Variants in CDH18 observed in about 807,000 individuals in gnomAD.
The protein encoded by CDH18 is cadherin-18.
In CDH18, 31 loss-of-function variants were observed where a neutral mutation model predicts 67.9. That is an observed-to-expected ratio of 0.46 (90% CI 0.34 to 0.62). CDH18 has a LOEUF of 0.62. CDH18 is among the 20% of genes least tolerant of loss of function. The probability of loss-of-function intolerance (pLI) is 0.01; values close to 1 mark genes in which losing one functional copy is unlikely to be tolerated. For missense variants in CDH18, 890 were observed against 975.5 expected, an observed-to-expected ratio of 0.91 and a Z score of 1.17; for synonymous variants, 362 against 347.2, an observed-to-expected ratio of 1.04 and a Z score of -0.48.
At chr5:19,943,015 C>G (rs896945921) in intron 2 of CDH18, among the ~76,000 whole-genome samples, 1 of 152,090 alleles carries the variant, frequency 6.6e-6, no homozygotes, top group Non-Finnish European at 1.5e-5. Context: ...AGCATGATGC[C>G]TCTTTGAGCT....
At chr5:20,492,162 G>A (rs1269581286) in intron 1 of CDH18, among the ~76,000 whole-genome samples, 3 of 151,694 alleles carry the variant, frequency 2.0e-5, no homozygotes, top group Non-Finnish European at 4.4e-5. Context: ...CATCAGTCAT[G>A]TTAAGTAGTA....
At chr5:19,544,841 A>G (rs1736042032) in intron 8 of CDH18, among the ~76,000 whole-genome samples, 1 of 152,184 alleles carries the variant, frequency 6.6e-6, no homozygotes, top group African/African-American at 2.4e-5. Context: ...TTCCCAACCT[A>G]GCGTAGATCA....
chr5:19,538,721 A>G (rs1749790899), intron 9 of CDH18, among the ~76,000 whole-genome samples: 3 of 152,064 alleles, frequency 2.0e-5, no homozygotes. Flanking sequence ...AACAAGGCCT[A>G]CTCACAAGAA....
chr5:20,557,475 G>T (rs577337047), intron 1 of CDH18, among the ~76,000 whole-genome samples: 10 of 152,046 alleles, frequency 6.6e-5, no homozygotes, highest in African/African-American at 2.4e-4. Flanking sequence ...CATTTTTATT[G>T]TCAATAAATT....
chr5:20,491,944 A>C (rs545173726), intron 1 of CDH18, among the ~76,000 whole-genome samples: 1 of 151,410 alleles, frequency 6.6e-6, no homozygotes, highest in Admixed American at 6.6e-5. Context: ...TATTCTACCT[A>C]TTTTTTCTAA....
At chr5:19,801,840 G>A (rs1467649080) in intron 3 of CDH18, among the ~76,000 whole-genome samples, 1 of 152,058 alleles carries the variant, frequency 6.6e-6, no homozygotes, top group Non-Finnish European at 1.5e-5. Flanking sequence ...CTTATTGACA[G>A]TTCCCCCCCA....
At chr5:19,499,784 A>C (rs1742939073) in intron 11 of CDH18, among the ~76,000 whole-genome samples, 1 of 152,080 alleles carries the variant, frequency 6.6e-6, no homozygotes, top group African/African-American at 2.4e-5. Flanking sequence ...TATCATGAAC[A>C]ACAACATGCA....
chr5:19,846,230 T>C (rs564529709), intron 2 of CDH18, among the ~76,000 whole-genome samples: 37 of 152,200 alleles, frequency 2.4e-4, no homozygotes, highest in African/African-American at 8.9e-4. Context: ...CTTATAGTTA[T>C]AACAATCTAT....
intron 1 of CDH18, among the ~76,000 whole-genome samples, chr5:20,469,988 C>A (rs1181697508): frequency 6.6e-6 from 1 of 152,126 alleles, no homozygotes; most frequent in Admixed American, 6.5e-5. Flanking sequence ...ATAGTCATAA[C>A]CTAGATCCTG....
intron 8 of CDH18, among the ~76,000 whole-genome samples, chr5:19,545,801 C>T (rs1430641498): frequency 2.0e-5 from 3 of 152,008 alleles, no homozygotes; most frequent in Non-Finnish European, 2.9e-5. Flanking sequence ...AAGCAAAAGT[C>T]AAATATGGGT....
chr5:20,469,846 T>C (rs1247658074), intron 1 of CDH18, among the ~76,000 whole-genome samples: 2 of 152,166 alleles, frequency 1.3e-5, no homozygotes, highest in Non-Finnish European at 2.9e-5. Context: ...CCTGCCTCAC[T>C]ATCCCTTTTG....
At chr5:19,510,188 T>C (rs185204221) in intron 10 of CDH18, among the ~76,000 whole-genome samples, 1 of 152,164 alleles carries the variant, frequency 6.6e-6, no homozygotes, top group Admixed American at 6.6e-5. Flanking sequence ...AGTTTCTTAT[T>C]CCAACTCTGC....
chr5:20,123,684 T>C (rs1485571778), intron 2 of CDH18, among the ~76,000 whole-genome samples: 1 of 151,994 alleles, frequency 6.6e-6, no homozygotes, highest in Admixed American at 6.6e-5. Context: ...TCAGGAGATC[T>C]AGACCATCCT....
intron 5 of CDH18, among the ~76,000 whole-genome samples, chr5:19,655,884 A>AAGTC (rs1162991043): frequency 6.6e-6 from 1 of 152,112 alleles, no homozygotes; most frequent in African/African-American, 2.4e-5. Context: ...GATTTCCCCA[A>AAGTC]AGTCAATTGC....
intron 1 of CDH18, among the ~76,000 whole-genome samples, chr5:20,281,282 C>T (rs898019709): frequency 7.9e-5 from 12 of 152,132 alleles, no homozygotes; most frequent in African/African-American, 2.7e-4. Context: ...AGTCCTTGCC[C>T]ATGCCTATGT....
chr5:19,994,883 G>T (rs1735876776), intron 2 of CDH18, among the ~76,000 whole-genome samples: 7 of 133,938 alleles, frequency 5.2e-5, no homozygotes, highest in East Asian at 4.6e-4. Flanking sequence ...GAGAGATGTA[G>T]AAAAAGATAT....
chr5:20,114,095 G>A (rs952300393), intron 2 of CDH18, among the ~76,000 whole-genome samples: 4 of 152,204 alleles, frequency 2.6e-5, no homozygotes, highest in South Asian at 2.1e-4. Context: ...GTCTATAAGC[G>A]GGACGCTCCT....
intron 3 of CDH18, among the ~76,000 whole-genome samples, chr5:19,747,774 C>T (rs1770223222): frequency 6.6e-6 from 1 of 151,216 alleles, no homozygotes; most frequent in Non-Finnish European, 1.5e-5. Flanking sequence ...AAAATGAAAT[C>T]ACCTCTAATA....
At chr5:19,730,150 C>G (rs922543039) in intron 4 of CDH18, among the ~76,000 whole-genome samples, 1 of 152,156 alleles carries the variant, frequency 6.6e-6, no homozygotes, top group African/African-American at 2.4e-5. Flanking sequence ...TTAGGTAATA[C>G]TACTACTCTC....
Sources: allele counts gnomAD v4.1 joint callset (sites outside exome capture counted in the v4.1 genomes callset), GRCh38; gene constraint gnomAD v4.1.1; transcripts MANE v1.5; gene names NCBI Gene and HGNC (gene_info 2026-07-23, HGNC 2026-07-21).